The following PCDHGA6 variants were observed in gnomAD, a reference collection of about 807,000 sequenced individuals.
The protein encoded by PCDHGA6 is protocadherin gamma subfamily A, 6, also known as protocadherin gamma-A6.
Under a neutral mutation model 60.6 loss-of-function variants are expected in PCDHGA6, and 41 were observed. The observed-to-expected ratio is 0.68, with a 90% CI of 0.53 to 0.88. The LOEUF is 0.88. Among genes scored for constraint, PCDHGA6 ranks in the 40% least tolerant of loss-of-function variants. PCDHGA6 has a pLI of 0.00. For synonymous variants in PCDHGA6, 594 were observed against 524.4 expected (o/e 1.13, Z -1.81); for missense variants, 1,312 against 1,203.0 (o/e 1.09, Z -1.34).
At chr5:141,385,880 A>G (rs192436155) in intron 1 of PCDHGA6, 3 of 153,092 alleles carry the variant, frequency 2.0e-5, no homozygotes, top group Admixed American at 1.9e-4. Context: ...ATTTATGCCT[A>G]AAGAATGAAA....
chr5:141,420,364 A>G (rs942479456), intron 1 of PCDHGA6: 8 of 1,368,440 alleles, frequency 5.8e-6, no homozygotes, highest in African/African-American at 3.0e-5. Flanking sequence ...ATTCTAGATA[A>G]CTTCTTCATA....
At chr5:141,405,251 C>T (rs1462013657) in intron 1 of PCDHGA6, 1 of 1,614,124 alleles carries the variant, frequency 6.2e-7, no homozygotes, top group Admixed American at 1.7e-5. Context: ...AAGGAAGAGT[C>T]ACCTGATCTT....
chr5:141,468,749 C>G (rs1237051053), intron 1 of PCDHGA6, among the ~76,000 whole-genome samples: 1 of 151,962 alleles, frequency 6.6e-6, no homozygotes, highest in Non-Finnish European at 1.5e-5. Context: ...GCCTGTAGTC[C>G]CAGCTACTCG....
chr5:141,385,707 A>C (rs1397936755), intron 1 of PCDHGA6: 1 of 259,744 alleles, frequency 3.8e-6, no homozygotes, highest in Non-Finnish European at 6.2e-6. Flanking sequence ...TTTAGCATTC[A>C]AATATGTAAA....
intron 1 of PCDHGA6, chr5:141,400,024 G>C (rs2093943300): frequency 6.2e-7 from 1 of 1,612,894 alleles, no homozygotes; most frequent in Non-Finnish European, 8.5e-7. Flanking sequence ...CGACAGGGAC[G>C]CGGCCCGCCA....
At chr5:141,481,210 G>A (rs1351826116) in intron 1 of PCDHGA6, among the ~76,000 whole-genome samples, 2 of 152,128 alleles carry the variant, frequency 1.3e-5, no homozygotes, top group Admixed American at 1.3e-4. Context: ...TAAAAAACAT[G>A]GTAAGGTCTC....
intron 2 of PCDHGA6, among the ~76,000 whole-genome samples, chr5:141,496,500 C>T (rs1350421492): frequency 6.6e-6 from 1 of 152,162 alleles, no homozygotes; most frequent in Non-Finnish European, 1.5e-5. Flanking sequence ...ACCCTTGTTG[C>T]CACAAGGACC....
chr5:141,391,264 G>T (rs1427432631), intron 1 of PCDHGA6: 1 of 151,768 alleles, frequency 6.6e-6, no homozygotes, highest in Non-Finnish European at 1.5e-5. Context: ...TCAGTTAATG[G>T]CCACTTTACA....
At chr5:141,388,062 G>A (rs1237358865) in intron 1 of PCDHGA6, 1 of 1,380,416 alleles carries the variant, frequency 7.2e-7, no homozygotes, top group African/African-American at 1.5e-5. Flanking sequence ...CAGCGTCCAG[G>A]AGTTACCGAC....
rs1348785166 is a variant in PCDHGA6, at chr5:141,431,381, C to T, written c.2424+54874C>T. On this transcript the variant is annotated intron_variant, in intron 1 of 3. Coordinates refer to ENST00000517434, the MANE Select transcript of PCDHGA6 (RefSeq NM_018919.3). The surrounding 1 kb of genome is among the most constrained non-coding windows in gnomAD (Gnocchi z 4.8). Reference sequence around the variant, plus strand: ...CCTGGACCGCGAAGAAAAGGCTGCTCACCACCTGGTCCTTACGGCCTCCGA... The same window carrying T: ...CCTGGACCGCGAAGAAAAGGCTGCTTACCACCTGGTCCTTACGGCCTCCGA... 1.2e-6 allele frequency: 2 copies of T among 1,613,940 alleles called. No homozygotes were observed. Among genetic ancestry groups the T allele is most frequent in the Non-Finnish European group, 1.7e-6 (2 of 1,180,042 alleles).
intron 1 of PCDHGA6, chr5:141,398,032 C>A: frequency 6.8e-7 from 1 of 1,469,940 alleles, no homozygotes; most frequent in South Asian, 1.4e-5. Flanking sequence ...GGAACTGGAA[C>A]TAAAGCCCGT....
Position 141,490,536 on chromosome 5 carries a change from T to C in PCDHGA6, c.2425-4271T>C. ...TGCTGGCCAGCGATGCTGGTTCACCTTCCCTACACAAACATCTCACCATCA... is the reference window on the plus strand; with the variant it reads ...TGCTGGCCAGCGATGCTGGTTCACCCTCCCTACACAAACATCTCACCATCA... On this transcript the variant is annotated intron_variant, in intron 1 of 3. Transcript: ENST00000517434. The surrounding 1 kb of genome is among the most constrained non-coding windows in gnomAD (Gnocchi z 5.4). The C allele has an allele frequency of 1.9e-6, 3 of 1,614,150 alleles. No individual in the cohort carries two copies. The highest frequency in any genetic ancestry group is 2.5e-6 in the Non-Finnish European group (3 of 1,180,010).
In PCDHGA6 at chr5:141,490,004, CA is replaced by C; in HGVS notation, c.2425-4802del. 1 of 1,614,174 alleles carries C rather than the reference CA, an allele frequency of 6.2e-7. No individual in the cohort carries two copies. Among genetic ancestry groups the C allele is most frequent in the Admixed American group, 1.7e-5 (1 of 60,034 alleles). ...CTACGTGTGGGAATCCCAGAGAATG[CA>C]CCCATTGGTACTCTGCTGCTCCGCC... On this transcript the variant is annotated intron_variant, in intron 1 of 3. Transcript: ENST00000517434. This position sits in a 1 kb window ranked among gnomAD's most constrained non-coding sequence, Gnocchi z 5.4.
Position 141,383,339 on chromosome 5 carries a change from C to T in PCDHGA6, c.2424+6832C>T, listed in dbSNP as rs1244023518. ...AATGTAAAAATAATGGAGAATACAG[C>T]TCCTGGGGTTCGGTTTCCGTTAAGC... On this transcript the variant is annotated intron_variant, in intron 1 of 3. Transcript: ENST00000517434. The T allele has an allele frequency of 3.7e-6, 6 of 1,614,014 alleles. No homozygotes were observed. The highest frequency in any genetic ancestry group is 3.3e-5 in the Admixed American group (2 of 60,036).
At chr5:141,402,826 G>A (rs776479870) in intron 1 of PCDHGA6, 37 of 1,328,842 alleles carry the variant, frequency 2.8e-5, no homozygotes, top group Middle Eastern at 2.7e-4. Flanking sequence ...CCTGCTCCCA[G>A]GCTGCAGCAA....
Position 141,487,176 on chromosome 5 carries a change from A to G in PCDHGA6, c.2425-7631A>G. On this transcript the variant is annotated intron_variant, in intron 1 of 3. Coordinates refer to ENST00000517434, the MANE Select transcript of PCDHGA6 (RefSeq NM_018919.3). The surrounding 1 kb of genome is among the most constrained non-coding windows in gnomAD (Gnocchi z 5.0). ...ACTCTCTTAGTGTCCTTAGAGGAAGACACTCATCCAGTTGTCCCAGATCTT... is the reference window on the plus strand; with the variant it reads ...ACTCTCTTAGTGTCCTTAGAGGAAGGCACTCATCCAGTTGTCCCAGATCTT... 1 of 1,613,774 alleles carries G rather than the reference A, an allele frequency of 6.2e-7. No homozygotes were observed. The highest frequency in any genetic ancestry group is 8.5e-7 in the Non-Finnish European group (1 of 1,179,664).
intron 1 of PCDHGA6, chr5:141,415,563 T>G: frequency 1.2e-6 from 2 of 1,614,168 alleles, no homozygotes; most frequent in Non-Finnish European, 1.7e-6. Flanking sequence ...ATCCTTTGTC[T>G]TTGTTAGATG....
Position 141,431,996 on chromosome 5 carries a change from G to A in PCDHGA6, c.2424+55489G>A, listed in dbSNP as rs766891220. ...AGTCACAGACATAGTCTTGGATAGGGAACAGGTTCCTAGCTACAACATCAC... is the reference window on the plus strand; with the variant it reads ...AGTCACAGACATAGTCTTGGATAGGAAACAGGTTCCTAGCTACAACATCAC... On this transcript the variant is annotated intron_variant, in intron 1 of 3. Transcript: ENST00000517434. The surrounding 1 kb of genome is among the most constrained non-coding windows in gnomAD (Gnocchi z 4.8). 1.9e-6 allele frequency: 3 copies of A among 1,614,192 alleles called. No homozygotes were observed. In the East Asian group the frequency reaches 6.7e-5, roughly 36 times the overall value.
chr5:141,473,382 C>A (rs780229708), intron 1 of PCDHGA6, among the ~76,000 whole-genome samples: 12 of 152,190 alleles, frequency 7.9e-5, no homozygotes, highest in Non-Finnish European at 1.8e-4. Context: ...TGGTCCCTGC[C>A]CTCCTGGAGC....
Sources: gnomAD v4.1 joint callset for allele counts (sites outside exome capture counted in the v4.1 genomes callset) on GRCh38, gnomAD v4.1.1 for gene constraint, Gnocchi (gnomAD v3.1) non-coding constraint, MANE v1.5 for transcripts, NCBI Gene and HGNC (gene_info 2026-07-23, HGNC 2026-07-21) for gene names.